ZDHHC17: variants seen among roughly 807,000 people sequenced by gnomAD.
ZDHHC17 encodes the protein zDHHC palmitoyltransferase 17.
Under a neutral mutation model 90.3 loss-of-function variants are expected in ZDHHC17, and 40 were observed. The observed-to-expected ratio is 0.44, with a 90% CI of 0.34 to 0.58. ZDHHC17 has a LOEUF of 0.58. Ranked by LOEUF, ZDHHC17 falls within the 20% of genes least tolerant of loss-of-function variation. The pLI, the probability that ZDHHC17 is intolerant of heterozygous loss-of-function variation, is 0.01. For missense variants in ZDHHC17, 614 were observed against 780.8 expected (o/e 0.79, Z 2.55); for synonymous variants, 235 against 252.4 (o/e 0.93, Z 0.65).
At chr12:76,847,265 C>A (rs192962536) in intron 14 of ZDHHC17, among the ~76,000 whole-genome samples, 2 of 152,170 alleles carry the variant, frequency 1.3e-5, no homozygotes, top group Non-Finnish European at 2.9e-5. Context: ...ACGTCACTTA[C>A]GATGCCTCAG....
chr12:76,836,525 A>G (rs549683630), intron 10 of ZDHHC17, among the ~76,000 whole-genome samples: 2 of 150,864 alleles, frequency 1.3e-5, no homozygotes, highest in African/African-American at 2.4e-5. Flanking sequence ...AATCCTTTCT[A>G]TTTTCACTTT....
chr12:76,783,560 A>G (rs1396745845), intron 1 of ZDHHC17, among the ~76,000 whole-genome samples: 1 of 152,268 alleles, frequency 6.6e-6, no homozygotes. Context: ...AATACAGTTC[A>G]AGATGAGATT....
intron 2 of ZDHHC17, among the ~76,000 whole-genome samples, chr12:76,802,769 C>G (rs1235594371): frequency 1.3e-5 from 2 of 152,168 alleles, no homozygotes; most frequent in Admixed American, 1.3e-4. Flanking sequence ...CGTTTTAGTT[C>G]TAGAATTTCT....
intron 1 of ZDHHC17, among the ~76,000 whole-genome samples, chr12:76,776,286 G>A (rs1288990963): frequency 6.6e-6 from 1 of 151,808 alleles, no homozygotes; most frequent in African/African-American, 2.4e-5. Flanking sequence ...GTTTTTTTTA[G>A]CCTTAATGGT....
chr12:76,788,656 G>C (rs1952720453), intron 1 of ZDHHC17, among the ~76,000 whole-genome samples: 1 of 141,178 alleles, frequency 7.1e-6, no homozygotes, highest in Non-Finnish European at 1.5e-5. Flanking sequence ...AGATGAACTA[G>C]GATAGGAAAA....
At chr12:76,789,138 T>C (rs1952730145) in intron 1 of ZDHHC17, among the ~76,000 whole-genome samples, 1 of 152,204 alleles carries the variant, frequency 6.6e-6, no homozygotes, top group African/African-American at 2.4e-5. Flanking sequence ...TCAAGAACCA[T>C]AAAAATATTC....
chr12:76,848,263 C>G lies in ZDHHC17; in HGVS notation c.1538C>G (p.Thr513Ser). ...YWGLHCETTY[T>S]KDGFWTYITQ... Reference sequence around the variant, plus strand: ...GGACTCCACTGTGAGACCACTTACACCAAGGATGGATTTTGGACATACATT... The same window carrying G: ...GGACTCCACTGTGAGACCACTTACAGCAAGGATGGATTTTGGACATACATT... Residue 513 changes from threonine to serine, a missense_variant, in exon 15 of 17, where the codon ACC becomes AGC. Thr to Ser is a moderately conservative substitution (Grantham distance 58). Coordinates refer to ENST00000426126, the MANE Select transcript of ZDHHC17 (RefSeq NM_015336.4). The G allele has an allele frequency of 6.2e-7, 1 of 1,613,904 alleles. No individual in the cohort carries two copies. Among genetic ancestry groups the G allele is most frequent in the Non-Finnish European group, 8.5e-7 (1 of 1,179,852 alleles).
At chr12:76,802,619 T>G (rs539324619) in intron 2 of ZDHHC17, among the ~76,000 whole-genome samples, 3 of 152,240 alleles carry the variant, frequency 2.0e-5, no homozygotes, top group African/African-American at 7.2e-5. Flanking sequence ...TTTCCTTCGG[T>G]CTTTTTTCTT....
intron 1 of ZDHHC17, among the ~76,000 whole-genome samples, chr12:76,770,613 A>G (rs1270367798): frequency 2.0e-5 from 3 of 152,180 alleles, no homozygotes; most frequent in Non-Finnish European, 4.4e-5. Context: ...ATGTTAAGGT[A>G]GTCAGCATTG....
At position 76,815,171 on chromosome 12, in the gene ZDHHC17, G is replaced by A; in HGVS notation, c.569G>A (p.Gly190Glu). The change falls in exon 6 of 17, where the codon GGA (glycine) becomes GAA (glutamate). Residue 190 changes from glycine to glutamate, a missense_variant. Around this residue, in one of 5 missense-constraint regions of ZDHHC17, gnomAD observed 358 missense variants for 380.4 expected, o/e 0.94. Coordinates refer to ENST00000426126, the MANE Select transcript of ZDHHC17 (RefSeq NM_015336.4). ...GQDVDMMDQN[G>E]MTPLMWAAYR... ...GATGTAGATATGATGGATCAGAATG[G>A]AATGACGCCTTTAATGTGGGCAGCA... is the stretch of plus-strand genomic sequence containing the variant. 1 of 1,567,180 alleles carries A rather than the reference G, an allele frequency of 6.4e-7. No homozygotes were observed. The highest frequency in any genetic ancestry group is 2.3e-5 in the East Asian group (1 of 43,146).
In ZDHHC17 at chr12:76,764,272, G is replaced by T. The variant is rs776182565; in HGVS notation, c.36G>T (p.Ala12=). 5.0e-6 allele frequency: 8 copies of T among 1,606,754 alleles called. No individual in the cohort carries two copies. Among genetic ancestry groups the T allele is most frequent in the Admixed American group, 1.7e-5 (1 of 59,234 alleles). ...AGGAGGGATTTAACACCAAGATGGC[G>T]GACGGCCCGGATGAGTACGATACCG... ...QREEGFNTKM[A]DGPDEYDTEA... Residue 12 remains alanine, a synonymous_variant, in exon 1 of 17, where the codon GCG becomes GCT. Transcript: ENST00000426126.
intron 14 of ZDHHC17, among the ~76,000 whole-genome samples, chr12:76,847,780 T>C (rs1953512738): frequency 6.6e-6 from 1 of 151,988 alleles, no homozygotes; most frequent in South Asian, 2.1e-4. Flanking sequence ...ATTGCTTGGG[T>C]CCAGGAGGTC....
intron 1 of ZDHHC17, among the ~76,000 whole-genome samples, chr12:76,765,507 A>G (rs1592452484): frequency 6.6e-6 from 1 of 152,322 alleles, no homozygotes; most frequent in South Asian, 2.1e-4. Flanking sequence ...AAGACTAAAC[A>G]CTTGTCTGAC....
At chr12:76,774,388 C>T (rs2137715074) in intron 1 of ZDHHC17, among the ~76,000 whole-genome samples, 1 of 152,096 alleles carries the variant, frequency 6.6e-6, no homozygotes, top group African/African-American at 2.4e-5. Flanking sequence ...AAGCGGGTGT[C>T]TCTTGTTGAA....
At chr12:76,796,427 G>T (rs187591956) in intron 1 of ZDHHC17, among the ~76,000 whole-genome samples, 2 of 151,996 alleles carry the variant, frequency 1.3e-5, no homozygotes, top group Admixed American at 6.5e-5. Flanking sequence ...ACCAAATTTT[G>T]TATTTTTAAT....
intron 1 of ZDHHC17, among the ~76,000 whole-genome samples, chr12:76,775,040 C>T (rs974302867): frequency 6.6e-6 from 1 of 152,122 alleles, no homozygotes; most frequent in Non-Finnish European, 1.5e-5. Flanking sequence ...GTTGGCCAGG[C>T]TGGTCTTGAA....
chr12:76,820,221 A>G (rs945319881), intron 7 of ZDHHC17, among the ~76,000 whole-genome samples: 1 of 152,148 alleles, frequency 6.6e-6, no homozygotes, highest in African/African-American at 2.4e-5. Context: ...AGTGGCTGTC[A>G]TCAGAAAAGA....
At chr12:76,815,763 A>G in intron 6 of ZDHHC17, 94 bp from the exon 7 acceptor site, 3 of 1,303,822 alleles carry the variant, frequency 2.3e-6, no homozygotes, top group Non-Finnish European at 3.0e-6. Context: ...ATGGAATGCT[A>G]CTGTAAGCAT....
At chr12:76,849,545 G>C (rs1440813942) in intron 16 of ZDHHC17, 75 bp downstream of exon 16, 5 of 861,788 alleles carry the variant, frequency 5.8e-6, no homozygotes, top group Middle Eastern at 3.1e-4. Context: ...CTTTTACTTA[G>C]TGATATGTAA....
Sources: allele counts gnomAD v4.1 joint callset (sites outside exome capture counted in the v4.1 genomes callset), GRCh38; gene constraint gnomAD v4.1.1; regional missense constraint gnomAD v4.1.1; transcripts MANE v1.5; gene names NCBI Gene and HGNC (gene_info 2026-07-23, HGNC 2026-07-21).